UGT2B7: variants seen among roughly 807,000 people sequenced by gnomAD.
The protein encoded by UGT2B7 is UDP glucuronosyltransferase family 2 member B7.
UGT2B7 carries 51 observed loss-of-function variants against 51.9 expected under a neutral mutation model. The ratio of observed to expected loss-of-function variants is 0.98; its 90% CI spans 0.78 to 1.24. UGT2B7 has a LOEUF of 1.24. UGT2B7 is among the 50% of genes most tolerant of loss of function. UGT2B7 has a pLI of 0.00. For missense variants in UGT2B7, 727 were observed against 628.4 expected, an observed-to-expected ratio of 1.16 and a Z score of -1.68; for synonymous variants, 225 against 211.6, an observed-to-expected ratio of 1.06 and a Z score of -0.55.
intron 1 of UGT2B7, among the ~76,000 whole-genome samples, chr4:69,078,536 T>A (rs1381185662): frequency 6.6e-6 from 1 of 152,184 alleles, no homozygotes; most frequent in Non-Finnish European, 1.5e-5. Flanking sequence ...ATAAGATGAA[T>A]TCAGTTGACT....
chr4:69,089,310 C>T (rs1304502302), intron 1 of UGT2B7, among the ~76,000 whole-genome samples: 1 of 151,990 alleles, frequency 6.6e-6, no homozygotes, highest in African/African-American at 2.4e-5. Flanking sequence ...TATGTGTTTC[C>T]AACACAAACT....
At chr4:69,086,378 C>A (rs1032830690) in intron 1 of UGT2B7, among the ~76,000 whole-genome samples, 1 of 151,664 alleles carries the variant, frequency 6.6e-6, no homozygotes, top group Admixed American at 6.6e-5. Flanking sequence ...AAATTTAAGA[C>A]TTATTTTGAC....
At chr4:69,061,329 A>T (rs1387979286) in intron 1 of UGT2B7, among the ~76,000 whole-genome samples, 6 of 152,230 alleles carry the variant, frequency 3.9e-5, no homozygotes, top group African/African-American at 1.4e-4. Flanking sequence ...TGGATGTGGT[A>T]TGGGCCCCCA....
intron 2 of UGT2B7, among the ~76,000 whole-genome samples, chr4:69,100,413 CTT>C (rs1220524221): frequency 6.6e-6 from 1 of 151,986 alleles, no homozygotes; most frequent in African/African-American, 2.4e-5. Flanking sequence ...AGCAAGCATT[CTT>C]TGTTACGTTA....
At chr4:69,106,700 T>A (rs1191313802) in intron 3 of UGT2B7, among the ~76,000 whole-genome samples, 12 of 152,126 alleles carry the variant, frequency 7.9e-5, no homozygotes, top group Non-Finnish European at 1.5e-4. Flanking sequence ...TTGAACAAAC[T>A]TACATTCCCA....
In UGT2B7 at chr4:69,112,774, G is replaced by A; in HGVS notation, c.*38G>A. 1.2e-6 allele frequency: 2 copies of A among 1,607,048 alleles called. No individual in the cohort carries two copies. Among genetic ancestry groups the A allele is most frequent in the Non-Finnish European group, 1.7e-6 (2 of 1,177,428 alleles). On this transcript the variant is annotated 3_prime_UTR_variant, in exon 6 of 6. Transcript: ENST00000305231. ...TTTGAAGCTGGAAAACCTGATAGGT[G>A]AGACTACTTCAGTTTATTCCAGCAA...
chr4:69,056,748 A>C (rs4554146), intron 1 of UGT2B7, among the ~76,000 whole-genome samples: 22,797 of 152,206 alleles, frequency 0.15, 1,989 homozygotes, highest in Admixed American at 0.25. Flanking sequence ...GTGCTTCAGC[A>C]CAAGTGTACT....
chr4:69,073,197 C>T (rs1276955281), intron 1 of UGT2B7, among the ~76,000 whole-genome samples: 3 of 152,156 alleles, frequency 2.0e-5, no homozygotes. Flanking sequence ...TCTATTCATA[C>T]TCCCAACAAA....
intron 1 of UGT2B7, among the ~76,000 whole-genome samples, chr4:69,076,762 G>T (rs1050664574): frequency 2.6e-5 from 4 of 152,242 alleles, no homozygotes; most frequent in African/African-American, 9.6e-5. Flanking sequence ...AGTTTATTTT[G>T]CTGTGCAGAA....
intron 1 of UGT2B7, among the ~76,000 whole-genome samples, chr4:69,051,753 A>T (rs911284111): frequency 6.6e-6 from 1 of 152,138 alleles, no homozygotes; most frequent in Admixed American, 6.5e-5. Flanking sequence ...ACTCCACCTA[A>T]GTGGAAGCGT....
intron 5 of UGT2B7, among the ~76,000 whole-genome samples, chr4:69,110,184 A>C (rs1719733074): frequency 6.6e-6 from 1 of 152,084 alleles, no homozygotes; most frequent in Non-Finnish European, 1.5e-5. Context: ...TATCATATAT[A>C]TCAACTTGAA....
chr4:69,078,333 C>A (rs924461943), intron 1 of UGT2B7, among the ~76,000 whole-genome samples: 2 of 152,078 alleles, frequency 1.3e-5, no homozygotes, highest in Non-Finnish European at 2.9e-5. Context: ...AGGGAGGACT[C>A]CCTCTTTTTC....
chr4:69,070,158 T>C (rs1718569048), intron 1 of UGT2B7, among the ~76,000 whole-genome samples: 1 of 150,194 alleles, frequency 6.7e-6, no homozygotes, highest in Admixed American at 6.6e-5. Context: ...CTCAGTCTGT[T>C]TACTTGAGAA....
chr4:69,065,363 C>G (rs555089599), intron 1 of UGT2B7, among the ~76,000 whole-genome samples: 1 of 152,246 alleles, frequency 6.6e-6, no homozygotes, highest in East Asian at 1.9e-4. Flanking sequence ...GGGATCAAAT[C>G]CTGCCCTTAA....
chr4:69,102,407 T>C (rs982823372), intron 2 of UGT2B7, among the ~76,000 whole-genome samples: 2 of 152,150 alleles, frequency 1.3e-5, no homozygotes, highest in African/African-American at 4.8e-5. Flanking sequence ...AGGGATTTAG[T>C]AGAACAACAA....
chr4:69,066,830 T>C (rs1718492362), intron 1 of UGT2B7, among the ~76,000 whole-genome samples: 2 of 152,272 alleles, frequency 1.3e-5, no homozygotes, highest in Admixed American at 6.5e-5. Context: ...TGTATAGATG[T>C]TGCAAATGCA....
intron 3 of UGT2B7, among the ~76,000 whole-genome samples, chr4:69,105,873 C>T (rs561971586): frequency 4.6e-5 from 7 of 151,904 alleles, no homozygotes; most frequent in Admixed American, 2.0e-4. Context: ...ATATAACAAC[C>T]TACACACAAG....
At chr4:69,068,357 T>G (rs1718525548) in intron 1 of UGT2B7, among the ~76,000 whole-genome samples, 1 of 152,010 alleles carries the variant, frequency 6.6e-6, no homozygotes, top group Non-Finnish European at 1.5e-5. Context: ...GTTCTTACAG[T>G]GGTGGTTGAT....
At position 69,083,664 on chromosome 4, in the gene UGT2B7, T is replaced by C. The variant is rs189574363; in HGVS notation, c.-158-5808T>C. On this transcript the variant is annotated intron_variant, in intron 1 of 5. Transcript: ENST00000502942. ...GTAACTTTGTAAATGTGATTTATTT[T>C]CTTTGCCTTTTTTAAACATTTAGAT... is the stretch of plus-strand genomic sequence containing the variant. Among the ~76,000 whole-genome samples, 3 of 152,264 alleles carry C rather than the reference T, an allele frequency of 2.0e-5. No individual in the cohort carries two copies. In the East Asian group the frequency reaches 5.8e-4, roughly 29 times the overall value.
Sources: allele counts gnomAD v4.1 joint callset (sites outside exome capture counted in the v4.1 genomes callset), GRCh38; gene constraint gnomAD v4.1.1; transcripts MANE v1.5; gene names NCBI Gene and HGNC (gene_info 2026-07-23, HGNC 2026-07-21).